Variants in MCUB observed in about 807,000 individuals in gnomAD.
MCUB encodes calcium uniporter regulatory subunit MCUb, mitochondrial.
In MCUB, 46 loss-of-function variants were observed where a neutral mutation model predicts 41.4. That is an observed-to-expected ratio of 1.11 (90% CI 0.88 to 1.42). The LOEUF is 1.42. Among genes scored for constraint, MCUB ranks in the 40% most tolerant of loss-of-function variants. MCUB has a pLI of 0.00. For synonymous variants in MCUB, 148 were observed against 148.2 expected, an observed-to-expected ratio of 1.00 and a Z score of 0.01; for missense variants, 403 against 404.9, an observed-to-expected ratio of 1.00 and a Z score of 0.04.
intron 1 of MCUB, among the ~76,000 whole-genome samples, chr4:109,576,250 T>A (rs1187018704): frequency 6.6e-6 from 1 of 152,226 alleles, no homozygotes; most frequent in Non-Finnish European, 1.5e-5. Context: ...TCCTTCTATG[T>A]AGTCTCCGTT....
Position 109,590,188 on chromosome 4 carries a change from TAAG to T in MCUB, c.99+29753_99+29755del, listed in dbSNP as rs1727398813. Among the ~76,000 whole-genome samples the T allele has an allele frequency of 6.0e-5, 4 of 67,030 alleles. No homozygotes were observed. In the Admixed American group the frequency reaches 8.5e-4, roughly 14 times the overall value. 44.0% of individuals were successfully genotyped at this position (67,030 alleles called of 152,430 possible). ...ATCGTTAATTTTTTAATTCTAAGAG[TAAG>T]TAATAACCCTATAATCCTCAATTTC... is the stretch of plus-strand genomic sequence containing the variant. On this transcript the variant is annotated intron_variant, in intron 1 of 7. Coordinates refer to ENST00000394650, the MANE Select transcript of MCUB (RefSeq NM_017918.5).
intron 1 of MCUB, among the ~76,000 whole-genome samples, chr4:109,595,670 T>G (rs1472218816): frequency 6.6e-6 from 1 of 152,268 alleles, no homozygotes; most frequent in Middle Eastern, 3.2e-3. Context: ...TAGAGAGAGA[T>G]TTCCATCATC....
At chr4:109,631,099 G>A (rs1028574925) in intron 1 of MCUB, among the ~76,000 whole-genome samples, 11 of 152,196 alleles carry the variant, frequency 7.2e-5, no homozygotes, top group African/African-American at 2.4e-4. Flanking sequence ...TGGCAACTCA[G>A]ATGAGATCAA....
At chr4:109,651,103 G>C (rs1174010511) in intron 1 of MCUB, among the ~76,000 whole-genome samples, 1 of 152,010 alleles carries the variant, frequency 6.6e-6, no homozygotes, top group African/African-American at 2.4e-5. Context: ...TTGTGTGAAG[G>C]CATTTTAAAA....
chr4:109,605,323 G>GT (rs112160176), intron 1 of MCUB, among the ~76,000 whole-genome samples: 6,356 of 152,198 alleles, frequency 0.042, 432 homozygotes, highest in African/African-American at 0.14. Context: ...TATTGTACAC[G>GT]TGTTTGTATA....
chr4:109,601,574 C>CT (rs1053476334), intron 1 of MCUB, among the ~76,000 whole-genome samples: 3 of 152,232 alleles, frequency 2.0e-5, no homozygotes, highest in East Asian at 1.9e-4. Flanking sequence ...AGATCTCATT[C>CT]TTTTTTTAAT....
Position 109,687,550 on chromosome 4 carries a change from C to CTGTT in MCUB, c.972_975dup (p.Gln326PhefsTer10). 6.2e-7 allele frequency: 1 copy of CTGTT among 1,612,902 alleles called. No individual in the cohort carries two copies. The highest frequency in any genetic ancestry group is 8.5e-7 in the Non-Finnish European group (1 of 1,179,148). Reference sequence around the variant, plus strand: ...CCCTGAAACAGGCGCGTCATTCTCTCTGTTTGCAAATGCAAGTAGAAGAAC... The same window carrying CTGTT: ...CCCTGAAACAGGCGCGTCATTCTCTCTGTTTGTTTGCAAATGCAAGTAGAAGAAC... On this transcript the variant is annotated frameshift_variant, in exon 8 of 8. Transcript: ENST00000394650. LOFTEE classifies it low-confidence loss of function (END_TRUNC).
intron 7 of MCUB, among the ~76,000 whole-genome samples, chr4:109,686,739 G>T (rs540909791): frequency 6.6e-6 from 1 of 152,232 alleles, no homozygotes; most frequent in South Asian, 2.1e-4. Flanking sequence ...AGCTGGACAT[G>T]GTGGCACATG....
intron 4 of MCUB, chr4:109,673,701 TTGAAAATTTGGGGTA>T (rs1729509424): frequency 2.1e-6 from 1 of 485,920 alleles, no homozygotes; most frequent in Non-Finnish European, 3.6e-6. Context: ...AAATGTGGAT[TTGAAAATTTGGGGTA>T]TGAAAATTAA....
intron 1 of MCUB, among the ~76,000 whole-genome samples, chr4:109,574,412 G>T (rs1245927321): frequency 1.3e-5 from 2 of 152,042 alleles, no homozygotes; most frequent in Non-Finnish European, 2.9e-5. Context: ...AAATAACTCA[G>T]GCAGAAGCTA....
intron 1 of MCUB, among the ~76,000 whole-genome samples, chr4:109,613,111 A>G (rs995067707): frequency 6.6e-6 from 1 of 152,198 alleles, no homozygotes; most frequent in African/African-American, 2.4e-5. Context: ...ATCTCAAAAA[A>G]GAAAAAAAAG....
At chr4:109,604,466 G>C (rs1192045582) in intron 1 of MCUB, among the ~76,000 whole-genome samples, 1 of 152,140 alleles carries the variant, frequency 6.6e-6, no homozygotes, top group Admixed American at 6.5e-5. Flanking sequence ...CTGCAAACAA[G>C]GATAAATTTA....
intron 1 of MCUB, among the ~76,000 whole-genome samples, chr4:109,645,303 A>G (rs890001102): frequency 6.6e-6 from 1 of 151,498 alleles, no homozygotes; most frequent in Non-Finnish European, 1.5e-5. Context: ...TACTTCATAC[A>G]GACCTCTCAA....
At chr4:109,673,041 C>T (rs773743212) in intron 4 of MCUB, among the ~76,000 whole-genome samples, 2 of 152,184 alleles carry the variant, frequency 1.3e-5, no homozygotes, top group Non-Finnish European at 2.9e-5. Flanking sequence ...ATGAATCACT[C>T]ATTTCAACAC....
At chr4:109,567,986 A>T (rs1023258800) in intron 1 of MCUB, among the ~76,000 whole-genome samples, 1 of 152,158 alleles carries the variant, frequency 6.6e-6, no homozygotes, top group Non-Finnish European at 1.5e-5. Context: ...GGTGTGGGCC[A>T]CCGCTCCTGG....
intron 7 of MCUB, among the ~76,000 whole-genome samples, chr4:109,686,235 T>C (rs549828282): frequency 6.6e-6 from 1 of 152,296 alleles, no homozygotes; most frequent in South Asian, 2.1e-4. Context: ...CCTCCTGGGT[T>C]CAAGTGATTC....
At chr4:109,583,095 T>C (rs921574570) in intron 1 of MCUB, among the ~76,000 whole-genome samples, 1 of 152,210 alleles carries the variant, frequency 6.6e-6, no homozygotes, top group Non-Finnish European at 1.5e-5. Context: ...TCCAATTCTG[T>C]GAAGAAAGTC....
intron 1 of MCUB, among the ~76,000 whole-genome samples, chr4:109,611,700 A>G (rs1025099710): frequency 1.3e-5 from 2 of 152,176 alleles, no homozygotes; most frequent in Non-Finnish European, 2.9e-5. Context: ...CACAATCTAG[A>G]CATGTATTTC....
At chr4:109,602,368 C>T (rs967462956) in intron 1 of MCUB, among the ~76,000 whole-genome samples, 2 of 152,114 alleles carry the variant, frequency 1.3e-5, no homozygotes, top group Admixed American at 1.3e-4. Context: ...GTCTTTAATC[C>T]ATTTTTATTT....
Sources: gnomAD v4.1 joint callset for allele counts (sites outside exome capture counted in the v4.1 genomes callset) on GRCh38, gnomAD v4.1.1 for gene constraint, MANE v1.5 for transcripts, NCBI Gene and HGNC (gene_info 2026-07-23, HGNC 2026-07-21) for gene names.